SEPTIN9: variants seen among roughly 807,000 people sequenced by gnomAD.
SEPTIN9 encodes the protein septin-9.
Under a neutral mutation model 56.6 loss-of-function variants are expected in SEPTIN9, and 13 were observed. The ratio of observed to expected loss-of-function variants is 0.23; its 90% CI spans 0.15 to 0.37. SEPTIN9 has a LOEUF of 0.37. SEPTIN9 is among the 10% of genes least tolerant of loss of function. The pLI is 1.00. For synonymous variants in SEPTIN9, 332 were observed against 334.1 expected (o/e 0.99, Z 0.07); for missense variants, 650 against 823.1 (o/e 0.79, Z 2.57).
At chr17:77,360,587 C>T (rs974063479) in intron 2 of SEPTIN9, among the ~76,000 whole-genome samples, 7 of 150,208 alleles carry the variant, frequency 4.7e-5, no homozygotes, top group Admixed American at 2.0e-4. Context: ...TTTTTTGAGA[C>T]GGAGTCTCGC....
At chr17:77,356,613 T>C (rs1249855796) in intron 2 of SEPTIN9, among the ~76,000 whole-genome samples, 2 of 145,232 alleles carry the variant, frequency 1.4e-5, no homozygotes, top group African/African-American at 2.6e-5. Context: ...TCCTCCTCCT[T>C]CTATGTTTCC....
chr17:77,328,430 A>G (rs1284863836), intron 2 of SEPTIN9, among the ~76,000 whole-genome samples: 1 of 152,194 alleles, frequency 6.6e-6, no homozygotes, highest in African/African-American at 2.4e-5. Context: ...CAGTGGCGCC[A>G]TCTCGCCTCA....
chr17:77,394,773 G>C (rs527783331), intron 2 of SEPTIN9, among the ~76,000 whole-genome samples: 1 of 152,324 alleles, frequency 6.6e-6, no homozygotes, highest in African/African-American at 2.4e-5. Flanking sequence ...CCTGTGGTCA[G>C]AGCAGGGGCC....
rs369666407 is a variant in SEPTIN9, at chr17:77,488,877, A to G, written c.1262+13A>G. On this transcript the variant is annotated intron_variant, in intron 7 of 11. Transcript: ENST00000427177. ...CCACCGGCCACTCGTACGTCCCTGC[A>G]GTGTCGGCGTCCTCATGCCGGGTGC... is the stretch of plus-strand genomic sequence containing the variant. 615 of 1,612,876 alleles carry G rather than the reference A, an allele frequency of 3.8e-4. 6 individuals carry two copies. The South Asian group carries it at 6.1e-3, about 16-fold the overall frequency.
intron 3 of SEPTIN9, among the ~76,000 whole-genome samples, chr17:77,459,776 C>T (rs905950453): frequency 1.3e-5 from 2 of 151,984 alleles, no homozygotes; most frequent in East Asian, 1.9e-4. Context: ...GCACAATCCT[C>T]GGCTCACTGC....
chr17:77,373,278 GC>G (rs1183560525), intron 2 of SEPTIN9: 1 of 1,153,712 alleles, frequency 8.7e-7, no homozygotes, highest in Non-Finnish European at 1.1e-6. Flanking sequence ...CGCCCGGGAG[GC>G]GGGGGCGGGG....
chr17:77,296,898 A>G (rs1449542686), intron 1 of SEPTIN9, among the ~76,000 whole-genome samples: 1 of 152,188 alleles, frequency 6.6e-6, no homozygotes, highest in Non-Finnish European at 1.5e-5. Flanking sequence ...ATAGCTAGAT[A>G]GATGACAGAT....
chr17:77,418,447 A>G (rs1032321441), intron 3 of SEPTIN9, among the ~76,000 whole-genome samples: 18 of 152,100 alleles, frequency 1.2e-4, no homozygotes, highest in Non-Finnish European at 2.6e-4. Context: ...GGTTCAAGCA[A>G]TTCTCCTGCC....
intron 3 of SEPTIN9, among the ~76,000 whole-genome samples, chr17:77,459,610 G>T (rs1425946775): frequency 6.6e-6 from 1 of 152,186 alleles, no homozygotes. Context: ...AGTGGTGCCA[G>T]CATCTGCTTG....
rs1039248889 is a variant in SEPTIN9, at chr17:77,425,818, A to G, written c.721+23115A>G. ...GAATCTGTGCGTGGAGCCAGAAGTC[A>G]CAAGGTTGGCCCAGCTGTGTCTGAC... On this transcript the variant is annotated intron_variant, in intron 3 of 11. Coordinates refer to ENST00000427177, the MANE Select transcript of SEPTIN9 (RefSeq NM_001113491.2). This position sits in a 1 kb window ranked among gnomAD's most constrained non-coding sequence, Gnocchi z 4.2. Among the ~76,000 whole-genome samples the G allele has an allele frequency of 2.0e-5, 3 of 151,750 alleles. No individual in the cohort carries two copies. The highest frequency in any genetic ancestry group is 7.3e-5 in the African/African-American group (3 of 41,306).
intron 2 of SEPTIN9, among the ~76,000 whole-genome samples, chr17:77,314,509 G>T (rs1456684698): frequency 2.6e-5 from 4 of 152,052 alleles, no homozygotes; most frequent in Admixed American, 1.3e-4. Flanking sequence ...TAAAGCGAGA[G>T]GTTGTGCGTC....
At chr17:77,457,088 G>GC (rs574509745) in intron 3 of SEPTIN9, among the ~76,000 whole-genome samples, 1 of 152,170 alleles carries the variant, frequency 6.6e-6, no homozygotes, top group Non-Finnish European at 1.5e-5. Context: ...TCCAGCCTTT[G>GC]CCCCCGGGGC....
chr17:77,327,121 A>C lies in SEPTIN9; in HGVS notation c.76+19924A>C, dbSNP rs1288074774. Among the ~76,000 whole-genome samples, 1 of 151,728 alleles carries C rather than the reference A, an allele frequency of 6.6e-6. No homozygotes were observed. The highest frequency in any genetic ancestry group is 1.5e-5 in the Non-Finnish European group (1 of 67,952). ...ATAGCTGCTGTAGCAAGTTAATCCT[A>C]CCAGCACTGGCTCTCATCTGCCGAC... On this transcript the variant is annotated intron_variant, in intron 2 of 11. Coordinates refer to ENST00000427177, the MANE Select transcript of SEPTIN9 (RefSeq NM_001113491.2). The surrounding 1 kb of genome is among the most constrained non-coding windows in gnomAD (Gnocchi z 5.0).
At position 77,450,427 on chromosome 17, in the gene SEPTIN9, TTTGAGTG is replaced by T; in HGVS notation, c.722-31716_722-31710del. 1.1e-6 allele frequency: 1 copy of T among 945,380 alleles called. No individual in the cohort carries two copies. Among genetic ancestry groups the T allele is most frequent in the Non-Finnish European group, 1.3e-6 (1 of 793,500 alleles). The allele number at this position is 945,380 out of a possible 1,614,324, so 58.6% of individuals were successfully genotyped here. ...AGGTGTCACCAAAGGCTTCTTTCCA[TTTGAGTG>T]AATCCCTCCCAGCCCCCAGCAAGCC... On this transcript the variant is annotated intron_variant, in intron 3 of 11. Transcript: ENST00000427177. This position sits in a 1 kb window ranked among gnomAD's most constrained non-coding sequence, Gnocchi z 6.0.
At chr17:77,300,287 C>T (rs182715539) in intron 1 of SEPTIN9, among the ~76,000 whole-genome samples, 233 of 152,258 alleles carry the variant, frequency 1.5e-3, no homozygotes, top group African/African-American at 5.4e-3. Context: ...GTTTATTCTC[C>T]TGTAGGAGCA....
intron 3 of SEPTIN9, among the ~76,000 whole-genome samples, chr17:77,420,439 G>A (rs1272055475): frequency 6.6e-6 from 1 of 152,196 alleles, no homozygotes; most frequent in Non-Finnish European, 1.5e-5. Context: ...TGGCCCCTGT[G>A]AAACAGAGAT....
chr17:77,473,640 A>T (rs2039095155), intron 3 of SEPTIN9, among the ~76,000 whole-genome samples: 1 of 152,220 alleles, frequency 6.6e-6, no homozygotes, highest in African/African-American at 2.4e-5. Flanking sequence ...TTTGTGGCAC[A>T]CACATGTCCT....
At chr17:77,410,826 G>A (rs2036269757) in intron 3 of SEPTIN9, among the ~76,000 whole-genome samples, 1 of 152,134 alleles carries the variant, frequency 6.6e-6, no homozygotes, top group African/African-American at 2.4e-5. Flanking sequence ...GGCCGGTGGT[G>A]TCGCCCCGTG....
At chr17:77,388,810 CT>C (rs5822196) in intron 2 of SEPTIN9, among the ~76,000 whole-genome samples, 585 of 78,050 alleles carry the variant, frequency 7.5e-3, no homozygotes, top group South Asian at 0.014. Flanking sequence ...GTGTTAGGCG[CT>C]TTTTTTTTTT....
Sources: allele counts gnomAD v4.1 joint callset (sites outside exome capture counted in the v4.1 genomes callset), GRCh38; gene constraint gnomAD v4.1.1; non-coding constraint Gnocchi (gnomAD v3.1); transcripts MANE v1.5; gene names NCBI Gene and HGNC (gene_info 2026-07-23, HGNC 2026-07-21).